The following C8orf34 variants were observed in gnomAD, a reference collection of about 807,000 sequenced individuals.
C8orf34 encodes the protein chromosome 8 open reading frame 34, also known as uncharacterized protein C8orf34.
A neutral mutation model predicts 68.3 loss-of-function variants in C8orf34; 65 were observed. The ratio of observed to expected loss-of-function variants is 0.95; its 90% CI spans 0.78 to 1.17. The LOEUF (loss-of-function observed/expected upper bound fraction) is 1.17. C8orf34 is among the 50% of genes most tolerant of loss of function. The pLI is 0.00. For synonymous variants in C8orf34, 244 were observed against 241.2 expected, an observed-to-expected ratio of 1.01 and a Z score of -0.11; for missense variants, 664 against 655.4, an observed-to-expected ratio of 1.01 and a Z score of -0.14.
intron 12 of C8orf34, among the ~76,000 whole-genome samples, chr8:68,797,514 C>T (rs73683727): frequency 6.6e-6 from 1 of 151,400 alleles, no homozygotes; most frequent in Non-Finnish European, 1.5e-5. Flanking sequence ...CCATTGGCCA[C>T]CCAGAATGTG....
At chr8:68,456,523 T>C (rs567089732) in intron 3 of C8orf34, among the ~76,000 whole-genome samples, 251 of 152,322 alleles carry the variant, frequency 1.6e-3, no homozygotes, top group African/African-American at 5.5e-3. Context: ...AAGATGGATT[T>C]TTACTAAAAT....
chr8:68,509,087 T>C (rs1309769670), intron 5 of C8orf34, among the ~76,000 whole-genome samples: 1 of 152,126 alleles, frequency 6.6e-6, no homozygotes, highest in Non-Finnish European at 1.5e-5. Flanking sequence ...CATTCCCCCC[T>C]CTAAAGAAGT....
chr8:68,714,603 C>T (rs1199218398), intron 9 of C8orf34, among the ~76,000 whole-genome samples: 1 of 152,082 alleles, frequency 6.6e-6, no homozygotes, highest in Non-Finnish European at 1.5e-5. Flanking sequence ...AACCACAAAA[C>T]ACTGCTGAAA....
intron 8 of C8orf34, among the ~76,000 whole-genome samples, chr8:68,670,223 G>C (rs1819965664): frequency 6.6e-6 from 1 of 152,154 alleles, no homozygotes; most frequent in Admixed American, 6.6e-5. Context: ...GAAGGCCTCA[G>C]AAGTGGCTTC....
intron 7 of C8orf34, among the ~76,000 whole-genome samples, chr8:68,614,127 G>C (rs1021841878): frequency 4.6e-5 from 7 of 152,206 alleles, no homozygotes; most frequent in African/African-American, 1.7e-4. Flanking sequence ...CCCACTTTTT[G>C]ATGGGATTGT....
intron 10 of C8orf34, among the ~76,000 whole-genome samples, chr8:68,768,538 C>A (rs149384843): frequency 6.6e-6 from 1 of 151,974 alleles, no homozygotes; most frequent in African/African-American, 2.4e-5. Flanking sequence ...TTTTTCCATA[C>A]CAACAATTCT....
intron 10 of C8orf34, among the ~76,000 whole-genome samples, chr8:68,728,111 A>G (rs765574572): frequency 2.6e-5 from 4 of 152,192 alleles, no homozygotes; most frequent in Admixed American, 6.5e-5. Flanking sequence ...TACATCTTGA[A>G]TACTTTGCTG....
chr8:68,491,122 T>C (rs191286435), intron 5 of C8orf34, among the ~76,000 whole-genome samples: 3 of 152,328 alleles, frequency 2.0e-5, no homozygotes, highest in Admixed American at 2.0e-4. Flanking sequence ...TATAATTTCA[T>C]TGAAATCATT....
intron 7 of C8orf34, among the ~76,000 whole-genome samples, chr8:68,618,087 C>G (rs1165414877): frequency 6.6e-6 from 1 of 152,028 alleles, no homozygotes; most frequent in Non-Finnish European, 1.5e-5. Flanking sequence ...TCAAATCTTA[C>G]TATCATCTTG....
At chr8:68,377,697 A>AT (rs1344441759) in intron 1 of C8orf34, among the ~76,000 whole-genome samples, 1 of 151,908 alleles carries the variant, frequency 6.6e-6, no homozygotes, top group Non-Finnish European at 1.5e-5. Context: ...TGGCAATCTC[A>AT]TTTTTTTTCT....
In C8orf34 at chr8:68,477,432, G is replaced by A. The variant is rs570571332; in HGVS notation, c.736+8612G>A. On this transcript the variant is annotated intron_variant, in intron 4 of 13. Coordinates refer to ENST00000518698, the MANE Select transcript of C8orf34 (RefSeq NM_052958.4). ...GAGACTCCTCATGGAGAACCTCTGC[G>A]AGGGCAGTGCAAAAGGGAAATGTAG... is the stretch of plus-strand genomic sequence containing the variant. Among the ~76,000 whole-genome samples the A allele has an allele frequency of 6.6e-5, 10 of 152,324 alleles. No homozygotes were observed. In the East Asian group the frequency reaches 1.7e-3, roughly 27 times the overall value.
At chr8:68,783,681 G>A (rs187248183) in intron 11 of C8orf34, among the ~76,000 whole-genome samples, 17 of 152,088 alleles carry the variant, frequency 1.1e-4, no homozygotes, top group East Asian at 9.7e-4. Context: ...TTTTCTGGGC[G>A]GAACCAATGT....
At chr8:68,601,147 C>A (rs1042387704) in intron 7 of C8orf34, among the ~76,000 whole-genome samples, 5 of 152,046 alleles carry the variant, frequency 3.3e-5, no homozygotes, top group African/African-American at 7.2e-5. Flanking sequence ...ATAAATCATG[C>A]GCTGTTTCTT....
chr8:68,757,620 CAAAA>C (rs1227804265), intron 10 of C8orf34, among the ~76,000 whole-genome samples: 8 of 149,554 alleles, frequency 5.3e-5, no homozygotes, highest in Admixed American at 2.0e-4. Flanking sequence ...GACTCCGTCT[CAAAA>C]AAATAAATAA....
At chr8:68,545,815 T>C (rs917716528) in intron 7 of C8orf34, among the ~76,000 whole-genome samples, 5 of 152,214 alleles carry the variant, frequency 3.3e-5, no homozygotes, top group Admixed American at 2.6e-4. Flanking sequence ...GGTGAATATG[T>C]AAGACTATCT....
At chr8:68,701,704 C>A (rs1821022538) in intron 8 of C8orf34, among the ~76,000 whole-genome samples, 1 of 152,046 alleles carries the variant, frequency 6.6e-6, no homozygotes, top group African/African-American at 2.4e-5. Flanking sequence ...AAAGTCCCAT[C>A]ATGTCACTTC....
intron 8 of C8orf34, among the ~76,000 whole-genome samples, chr8:68,678,362 C>T (rs1563603797): frequency 6.6e-6 from 1 of 152,124 alleles, no homozygotes; most frequent in Non-Finnish European, 1.5e-5. Context: ...AAAACTTCAA[C>T]AACACATTAG....
chr8:68,559,661 G>A (rs1586373630), intron 7 of C8orf34, among the ~76,000 whole-genome samples: 1 of 152,140 alleles, frequency 6.6e-6, no homozygotes, highest in African/African-American at 2.4e-5. Flanking sequence ...ATTTGCTTTT[G>A]TTTATAGATG....
chr8:68,719,030 C>T (rs1271978624), intron 9 of C8orf34, among the ~76,000 whole-genome samples: 1 of 152,032 alleles, frequency 6.6e-6, no homozygotes, highest in Non-Finnish European at 1.5e-5. Flanking sequence ...AAAGAAATTG[C>T]TCTGGAATAG....
Sources: gnomAD v4.1 joint callset for allele counts (sites outside exome capture counted in the v4.1 genomes callset) on GRCh38, gnomAD v4.1.1 for gene constraint, MANE v1.5 for transcripts, NCBI Gene and HGNC (gene_info 2026-07-23, HGNC 2026-07-21) for gene names.